The following ZNF496 variants were observed in gnomAD, a reference collection of about 807,000 sequenced individuals.
ZNF496 encodes NSD1 (nuclear receptor binding SET-domain containing 1)-interacting zinc finger protein 1.
Under a neutral mutation model 58.9 loss-of-function variants are expected in ZNF496, and 11 were observed. That is an observed-to-expected ratio of 0.19 (90% CI 0.12 to 0.31). The LOEUF (loss-of-function observed/expected upper bound fraction) is 0.31, where lower values mean the gene tolerates loss of function less well. Ranked by LOEUF, ZNF496 falls within the 10% of genes least tolerant of loss-of-function variation. The pLI is 1.00. For missense variants in ZNF496, 660 were observed against 783.0 expected (o/e 0.84, Z 1.88); for synonymous variants, 338 against 318.2 (o/e 1.06, Z -0.66).
At chr1:247,323,440 T>C (rs1311284391) in intron 5 of ZNF496, among the ~76,000 whole-genome samples, 2 of 152,130 alleles carry the variant, frequency 1.3e-5, no homozygotes, top group Non-Finnish European at 2.9e-5. Context: ...ATGACGCACA[T>C]GAAAAGTACT....
chr1:247,320,769 G>C (rs1046683255), intron 6 of ZNF496, among the ~76,000 whole-genome samples: 2 of 152,194 alleles, frequency 1.3e-5, no homozygotes, highest in African/African-American at 4.8e-5. Context: ...GTTCATAGCA[G>C]CATTATTCAC....
intron 6 of ZNF496, among the ~76,000 whole-genome samples, chr1:247,321,043 G>A (rs1659946751): frequency 6.6e-6 from 1 of 152,170 alleles, no homozygotes; most frequent in African/African-American, 2.4e-5. Context: ...AAGCGTGGTT[G>A]CGGGTGCCTG....
chr1:247,321,813 TTTGTGTTTGGAAA>T (rs1179613292), intron 6 of ZNF496, among the ~76,000 whole-genome samples: 1 of 152,246 alleles, frequency 6.6e-6, no homozygotes, highest in Non-Finnish European at 1.5e-5. Flanking sequence ...TTTTACCTCC[TTTGTGTTTGGAAA>T]TGGTCACAGT....
At chr1:247,314,649 T>C (rs1659713151) in intron 6 of ZNF496, among the ~76,000 whole-genome samples, 1 of 152,216 alleles carries the variant, frequency 6.6e-6, no homozygotes, top group Admixed American at 6.5e-5. Context: ...ATGCTTTGCA[T>C]CTGCCTACCT....
At chr1:247,314,431 TTTTAAAATTTTCATTTTAAAATTTCAA>T (rs767102926) in intron 6 of ZNF496, among the ~76,000 whole-genome samples, 71 of 152,248 alleles carry the variant, frequency 4.7e-4, no homozygotes, top group Non-Finnish European at 6.6e-4. Context: ...CAATGCTTCA[TTTTAAAATTTTCATTTTAAAATTTCAA>T]TTTAAAATGA....
Position 247,309,971 on chromosome 1 carries a change from G to A in ZNF496, c.785-165C>T. On this transcript the variant is annotated intron_variant, in intron 7 of 9. Transcript: ENST00000682384. This position sits in a 1 kb window ranked among gnomAD's most constrained non-coding sequence, Gnocchi z 4.3. The stretch of plus-strand genomic sequence containing the variant: ...TGGCAGTGCAGGGGCAGTGGGGGCA[G>A]CACACGCAGGGAGAGCTATGGGCTT... The A allele has an allele frequency of 7.6e-7, 1 of 1,322,652 alleles. No homozygotes were observed. Among genetic ancestry groups the A allele is most frequent in the Non-Finnish European group, 1.0e-6 (1 of 992,854 alleles). 81.9% of individuals were successfully genotyped at this position (1,322,652 alleles called of 1,614,324 possible).
At chr1:247,305,936 C>T (rs4925617) in intron 9 of ZNF496, among the ~76,000 whole-genome samples, 13,431 of 152,178 alleles carry the variant, frequency 0.088, 717 homozygotes, top group Middle Eastern at 0.16. Flanking sequence ...CAAAACAAAA[C>T]AAAACATTTA....
At chr1:247,302,620 T>C (rs1203307122) in intron 9 of ZNF496, among the ~76,000 whole-genome samples, 7 of 151,760 alleles carry the variant, frequency 4.6e-5, no homozygotes, top group Admixed American at 6.6e-5. Context: ...GGATTACAGG[T>C]GTGAGCCACT....
At chr1:247,307,529 G>A (rs1242075615) in intron 9 of ZNF496, 4 of 985,404 alleles carry the variant, frequency 4.1e-6, no homozygotes, top group Non-Finnish European at 4.8e-6. Flanking sequence ...CCAAATGAAT[G>A]CATCACTCTT....
intron 5 of ZNF496, among the ~76,000 whole-genome samples, 183 bp downstream of exon 5, chr1:247,328,500 T>A (rs1660212076): frequency 6.6e-6 from 1 of 152,188 alleles, no homozygotes; most frequent in Non-Finnish European, 1.5e-5. Context: ...AACATCCTGA[T>A]GAGGTTCTCA....
At chr1:247,305,931 C>T (rs1027498011) in intron 9 of ZNF496, among the ~76,000 whole-genome samples, 26 of 152,086 alleles carry the variant, frequency 1.7e-4, no homozygotes, top group Non-Finnish European at 2.8e-4. Flanking sequence ...CAAAACAAAA[C>T]AAAACAAAAC....
intron 6 of ZNF496, among the ~76,000 whole-genome samples, chr1:247,318,196 A>G (rs1229263104): frequency 6.6e-6 from 1 of 152,216 alleles, no homozygotes; most frequent in Non-Finnish European, 1.5e-5. Flanking sequence ...CAGAGAGAAT[A>G]CAGGCTGAAA....
chr1:247,302,639 CGA>C (rs1659284545), intron 9 of ZNF496, among the ~76,000 whole-genome samples: 1 of 152,124 alleles, frequency 6.6e-6, no homozygotes, highest in South Asian at 2.1e-4. Context: ...CTGCGCCCGC[CGA>C]GAGGCTATGT....
intron 6 of ZNF496, among the ~76,000 whole-genome samples, chr1:247,320,755 C>T (rs1214512676): frequency 6.6e-6 from 1 of 152,144 alleles, no homozygotes; most frequent in Non-Finnish European, 1.5e-5. Flanking sequence ...TTCACGTGTA[C>T]CATGTTCATA....
Position 247,328,592 on chromosome 1 carries a change from G to A in ZNF496, c.574+91C>T, listed in dbSNP as rs114312265. 8.7e-4 allele frequency: 1,142 copies of A among 1,319,412 alleles called. 6 individuals are homozygous for A. In the African/African-American group the frequency reaches 0.016, roughly 18 times the overall value. 81.7% of individuals were successfully genotyped at this position (1,319,412 alleles called of 1,614,324 possible). Reference sequence around the variant, plus strand: ...ACACGAGAACACTGCTGATGTAAAAGCCATCAGCTTAACAAAAACCACACC... The same window carrying A: ...ACACGAGAACACTGCTGATGTAAAAACCATCAGCTTAACAAAAACCACACC... On this transcript the variant is annotated intron_variant, in intron 5 of 9. Transcript: ENST00000682384.
intron 6 of ZNF496, chr1:247,313,092 G>A (rs1232429241): frequency 6.6e-6 from 1 of 152,218 alleles, no homozygotes. Flanking sequence ...TTCTCACATG[G>A]TGGAAGGGGC....
chr1:247,325,511 C>T (rs949755328), intron 5 of ZNF496, among the ~76,000 whole-genome samples: 15 of 152,070 alleles, frequency 9.9e-5, no homozygotes, highest in East Asian at 5.8e-4. Flanking sequence ...ATTTTTGTGA[C>T]GAGAACATTT....
chr1:247,315,060 CTTTTTTTTT>C (rs67977969), intron 6 of ZNF496, among the ~76,000 whole-genome samples: 12 of 121,472 alleles, frequency 9.9e-5, no homozygotes, highest in African/African-American at 3.8e-4. Flanking sequence ...CTTGACTAGT[CTTTTTTTTT>C]TTTTTTTTTT....
intron 5 of ZNF496, among the ~76,000 whole-genome samples, chr1:247,326,949 G>T (rs184966749): frequency 1.3e-5 from 2 of 152,084 alleles, no homozygotes; most frequent in African/African-American, 4.8e-5. Flanking sequence ...AAAACCGCCC[G>T]TCATCAAGAG....
Sources: allele counts gnomAD v4.1 joint callset (sites outside exome capture counted in the v4.1 genomes callset), GRCh38; gene constraint gnomAD v4.1.1; non-coding constraint Gnocchi (gnomAD v3.1); transcripts MANE v1.5; gene names NCBI Gene and HGNC (gene_info 2026-07-23, HGNC 2026-07-21).